WDR3: variants seen among roughly 807,000 people sequenced by gnomAD.
WDR3 encodes WD repeat domain 3, also known as WD repeat-containing protein 3.
In WDR3, 81 loss-of-function variants were observed where a neutral mutation model predicts 123.7. The observed-to-expected ratio is 0.65, with a 90% CI of 0.55 to 0.79. The LOEUF (loss-of-function observed/expected upper bound fraction) is 0.79, where lower values mean the gene tolerates loss of function less well. Among genes scored for constraint, WDR3 ranks in the 30% least tolerant of loss-of-function variants. The pLI is 0.00. For synonymous variants in WDR3, 390 were observed against 388.8 expected, an observed-to-expected ratio of 1.00 and a Z score of -0.04; for missense variants, 1,027 against 1,123.2, an observed-to-expected ratio of 0.91 and a Z score of 1.22.
Position 117,964,184 on chromosome 1 carries a change from A to C in WDR3, c.*4737A>C, listed in dbSNP as rs998848784. 3.0e-6 allele frequency: 1 copy of C among 333,864 alleles called. No individual in the cohort carries two copies. Among genetic ancestry groups the C allele is most frequent in the Non-Finnish European group, 5.6e-6 (1 of 179,594 alleles). The allele number at this position is 333,864 out of a possible 1,614,324, so 20.7% of individuals were successfully genotyped here. On this transcript the variant is annotated 3_prime_UTR_variant, in exon 27 of 27. Transcript: ENST00000349139. The stretch of plus-strand genomic sequence containing the variant: ...TCCTAACTGTGACTGGCTTTCTATA[A>C]GGAGCCATCAGTATGGTCAAGCCCC...
chr1:117,940,004 G>T (rs1651085291), intron 6 of WDR3, among the ~76,000 whole-genome samples: 1 of 152,228 alleles, frequency 6.6e-6, no homozygotes, highest in Non-Finnish European at 1.5e-5. Context: ...AGGTTTAGCT[G>T]AATTTCGGTG....
In WDR3 at chr1:117,963,644, G is replaced by A; in HGVS notation, c.*4197G>A. 1.7e-6 allele frequency: 1 copy of A among 602,950 alleles called. No individual in the cohort carries two copies. The highest frequency in any genetic ancestry group is 2.7e-6 in the Non-Finnish European group (1 of 368,198). The allele number at this position is 602,950 out of a possible 1,614,324, so 37.3% of individuals were successfully genotyped here. A position where few individuals can be genotyped will look rare whatever the true frequency, so the allele number is the denominator to read the frequency against. On this transcript the variant is annotated 3_prime_UTR_variant, in exon 27 of 27. Transcript: ENST00000349139. ...CTCCCAAAGTGCTGGGATTACAGGT[G>A]TGAGCCACCGGGCCCGGCCTAAACA...
chr1:117,963,097 G>T lies in WDR3; in HGVS notation c.*3650G>T, dbSNP rs1480503876. 1 of 152,180 alleles carries T rather than the reference G, an allele frequency of 6.6e-6. No individual in the cohort carries two copies. The highest frequency in any genetic ancestry group is 1.5e-5 in the Non-Finnish European group (1 of 68,048). The allele number at this position is 152,180 out of a possible 1,614,324, so 9.4% of individuals were successfully genotyped here. On this transcript the variant is annotated 3_prime_UTR_variant, in exon 27 of 27. Coordinates refer to ENST00000349139, the MANE Select transcript of WDR3 (RefSeq NM_006784.3). ...GGTTTTTGGGATCCAAGCAGCCCTG[G>T]TATGTTTTTAGAACACAGTACACAT...
In WDR3 at chr1:117,959,360, T is replaced by TA; in HGVS notation, c.2746dup (p.Met916AsnfsTer5). The TA allele has an allele frequency of 1.2e-6, 2 of 1,613,984 alleles. No homozygotes were observed. The highest frequency in any genetic ancestry group is 1.7e-6 in the Non-Finnish European group (2 of 1,179,946). ...GGGAATGCGAGGCAAAAAGTGAAGT[T>TA]ATGTTTTTTGCTGATGCTACTAGCC... On this transcript the variant is annotated frameshift_variant, in exon 27 of 27. Coordinates refer to ENST00000349139, the MANE Select transcript of WDR3 (RefSeq NM_006784.3). LOFTEE classifies it high-confidence loss of function.
At chr1:117,948,995 A>C (rs1249189802) in intron 13 of WDR3, among the ~76,000 whole-genome samples, 1 of 151,470 alleles carries the variant, frequency 6.6e-6, no homozygotes, top group Non-Finnish European at 1.5e-5. Context: ...TTTTTTTTTG[A>C]CAACACCTTA....
intron 2 of WDR3, 50 bp from the exon 3 acceptor site, chr1:117,934,423 T>C (rs758750202): frequency 6.3e-7 from 1 of 1,577,878 alleles, no homozygotes; most frequent in South Asian, 1.1e-5. Flanking sequence ...GCTTTTCCCT[T>C]GAGTTCATGC....
Position 117,954,561 on chromosome 1 carries a change from T to A in WDR3, c.2362-19T>A, listed in dbSNP as rs1462926153. The A allele has an allele frequency of 6.2e-7, 1 of 1,611,418 alleles. No individual in the cohort carries two copies. The highest frequency in any genetic ancestry group is 1.7e-5 in the Admixed American group (1 of 59,796). ...AGTCTCAGTTTTTTTAATGACTTGA[T>A]TTAATAATTTCTTCATAGGTTCCAC... On this transcript the variant is annotated intron_variant, in intron 22 of 26. Transcript: ENST00000349139.
chr1:117,929,895 A>C (rs530666146), intron 1 of WDR3, 113 bp downstream of exon 1: 1 of 152,340 alleles, frequency 6.6e-6, no homozygotes, highest in Non-Finnish European at 1.5e-5. Context: ...GGCGTGTTAA[A>C]GGCCGGTTGC....
chr1:117,952,089 T>G lies in WDR3; in HGVS notation c.1904+13T>G, dbSNP rs553974791. 1.1e-5 allele frequency: 18 copies of G among 1,607,486 alleles called. No individual in the cohort carries two copies. The highest frequency in any genetic ancestry group is 1.5e-5 in the Non-Finnish European group (18 of 1,176,986). ...CACATGATGACAGGTATGTATAGTC[T>G]TTTCAAATGTCTCCCTTTGAGTCAC... On this transcript the variant is annotated intron_variant, in intron 17 of 26. Transcript: ENST00000349139.
In WDR3 at chr1:117,951,998, G is replaced by C. The variant is rs1423565183; in HGVS notation, c.1826G>C (p.Gly609Ala). ...ISHDGALIAT[G>A]SADRNVKIWG... ...TAGGATGGAGCACTCATAGCAACTGGCTCCGCTGATAGGAATGTGAAAATC... is the reference window on the plus strand; with the variant it reads ...TAGGATGGAGCACTCATAGCAACTGCCTCCGCTGATAGGAATGTGAAAATC... The change falls in exon 17 of 27, where the codon GGC becomes GCC. Residue 609 changes from glycine to alanine, a missense_variant. Physicochemically the swap from Gly to Ala is moderately conservative, Grantham distance 60. Transcript: ENST00000349139. 1 of 1,613,116 alleles carries C rather than the reference G, an allele frequency of 6.2e-7. No individual in the cohort carries two copies. The highest frequency in any genetic ancestry group is 1.3e-5 in the African/African-American group (1 of 74,874).
intron 12 of WDR3, among the ~76,000 whole-genome samples, chr1:117,947,609 C>T (rs1397579789): frequency 6.6e-6 from 1 of 152,144 alleles, no homozygotes; most frequent in Non-Finnish European, 1.5e-5. Flanking sequence ...AATTAATGTA[C>T]ATTATCTCAT....
At chr1:117,957,023 A>G (rs778123468) in intron 24 of WDR3, 45 bp from the exon 25 acceptor site, 6 of 1,494,146 alleles carry the variant, frequency 4.0e-6, no homozygotes, top group African/African-American at 1.4e-5. Flanking sequence ...CATGTTAACA[A>G]CGTTAACAAA....
intron 1 of WDR3, 29 bp downstream of exon 1, chr1:117,929,811 G>C (rs551969247): frequency 1.3e-5 from 2 of 152,600 alleles, no homozygotes; most frequent in Admixed American, 6.5e-5. Context: ...TGGTTGGGGC[G>C]GAGAGCATTA....
chr1:117,966,432 T>G lies in WDR3; in HGVS notation c.*6985T>G. ...CATATACTATGTGTCAGGTATTTTT[T>G]TAGATTTGGCTAGGTGCTTTCAAAG... On this transcript the variant is annotated 3_prime_UTR_variant, in exon 27 of 27. Coordinates refer to ENST00000349139, the MANE Select transcript of WDR3 (RefSeq NM_006784.3). The G allele has an allele frequency of 1.9e-6, 1 of 533,520 alleles. No individual in the cohort carries two copies. 33.0% of individuals were successfully genotyped at this position (533,520 alleles called of 1,614,324 possible). A position where few individuals can be genotyped will look rare whatever the true frequency, so the allele number is the denominator to read the frequency against.
intron 22 of WDR3, 124 bp from the exon 23 acceptor site, chr1:117,954,456 T>C (rs1651866627): frequency 1.1e-6 from 1 of 880,420 alleles, no homozygotes; most frequent in Non-Finnish European, 1.7e-6. Context: ...TTACACTCTG[T>C]CAGTTTTTTA....
chr1:117,948,399 T>A lies in WDR3; in HGVS notation c.1423-6T>A. 6.2e-7 allele frequency: 1 copy of A among 1,613,466 alleles called. No individual in the cohort carries two copies. The highest frequency in any genetic ancestry group is 8.5e-7 in the Non-Finnish European group (1 of 1,179,626). On this transcript the variant is annotated splice_region_variant and splice_polypyrimidine_tract_variant and intron_variant, in intron 12 of 26. Transcript: ENST00000349139. Reference sequence around the variant, plus strand: ...TTGGAGCTGTGCTCATTTTGTGTCTTCCCAGACAGGGAAGCTGCAGCTTTA... The same window carrying A: ...TTGGAGCTGTGCTCATTTTGTGTCTACCCAGACAGGGAAGCTGCAGCTTTA...
chr1:117,933,435 T>C lies in WDR3; in HGVS notation c.116T>C (p.Val39Ala), dbSNP rs1159165896. 2 of 1,614,144 alleles carry C rather than the reference T, an allele frequency of 1.2e-6. No homozygotes were observed. Among genetic ancestry groups the C allele is most frequent in the Non-Finnish European group, 1.7e-6 (2 of 1,180,026 alleles). ...CTTCGTGGTGAGAAAGGACGTTATG[T>C]GGCAGTACCAGCTTGTGAACACGTT... ...VTLRGEKGRY[V>A]AVPACEHVFI... Residue 39 changes from valine (V) to alanine (A), a missense_variant, in exon 2 of 27, where the codon GTG (valine) becomes GCG (alanine). Val to Ala is a moderately conservative substitution (Grantham distance 64). Transcript: ENST00000349139.
chr1:117,933,344 C>T lies in WDR3; in HGVS notation c.25C>T (p.Arg9Cys), dbSNP rs376572237. ...CATGGGGCTCACCAAGCAGTACCTACGCTATGTTGCTAGTGCGGTCTTTGG... is the reference window on the plus strand; with the variant it reads ...CATGGGGCTCACCAAGCAGTACCTATGCTATGTTGCTAGTGCGGTCTTTGG... MGLTKQYLRYVASAVFGVI... is the reference protein window; with the variant it reads MGLTKQYLCYVASAVFGVI... Residue 9 changes from arginine to cysteine, a missense_variant, in exon 2 of 27, where the codon CGC (arginine) becomes TGC (cysteine). Physicochemically the swap from Arg to Cys is radical, Grantham distance 180 (BLOSUM62 -3). Transcript: ENST00000349139. 1.0e-4 allele frequency: 164 copies of T among 1,614,050 alleles called. 2 individuals carry two copies. The highest frequency in any genetic ancestry group is 8.6e-4 in the South Asian group (78 of 91,090).
Position 117,959,594 on chromosome 1 carries a change from C to A in WDR3, c.*147C>A. 2.4e-6 allele frequency: 2 copies of A among 832,904 alleles called. No individual in the cohort carries two copies. The highest frequency in any genetic ancestry group is 3.4e-6 in the Non-Finnish European group (2 of 585,048). The allele number at this position is 832,904 out of a possible 1,614,324, so 51.6% of individuals were successfully genotyped here. On this transcript the variant is annotated 3_prime_UTR_variant, in exon 27 of 27. Transcript: ENST00000349139. ...TATCAGGATGTGGTTTCCAGCTTTG[C>A]CTGAGGGAATTCCAACATGAGATTA...
Sources: gnomAD v4.1 joint callset for allele counts (sites outside exome capture counted in the v4.1 genomes callset) on GRCh38, gnomAD v4.1.1 for gene constraint, MANE v1.5 for transcripts, NCBI Gene and HGNC (gene_info 2026-07-23, HGNC 2026-07-21) for gene names.